ADD1: variants seen among roughly 807,000 people sequenced by gnomAD.
ADD1 encodes alpha-adducin.
Under a neutral mutation model 80.5 loss-of-function variants are expected in ADD1, and 24 were observed. The observed-to-expected ratio is 0.30, with a 90% CI of 0.22 to 0.42. The LOEUF (loss-of-function observed/expected upper bound fraction) is 0.42, where lower values mean the gene tolerates loss of function less well. ADD1 is among the 10% of genes least tolerant of loss of function. The pLI, the probability that ADD1 is intolerant of heterozygous loss-of-function variation, is 1.00. For missense variants in ADD1, 948 were observed against 1,019.0 expected (o/e 0.93, Z 0.95); for synonymous variants, 373 against 393.8 (o/e 0.95, Z 0.63).
At chr4:2,894,470 C>G in intron 5 of ADD1, 112 bp from the exon 6 acceptor site, 1 of 942,778 alleles carries the variant, frequency 1.1e-6, no homozygotes, top group Non-Finnish European at 1.5e-6. Flanking sequence ...GAGGTCGCAC[C>G]ACTGCACTCC....
At chr4:2,915,677 G>A (rs1385643803) in intron 14 of ADD1, among the ~76,000 whole-genome samples, 2 of 152,084 alleles carry the variant, frequency 1.3e-5, no homozygotes, top group Admixed American at 6.5e-5. Context: ...TACAAAATTA[G>A]CCAGGTGTAG....
At chr4:2,852,799 C>G (rs771574716) in intron 1 of ADD1, among the ~76,000 whole-genome samples, 4 of 151,078 alleles carry the variant, frequency 2.6e-5, no homozygotes, top group Admixed American at 6.6e-5. Context: ...CTCGTGGGCC[C>G]GAGCAGTCCT....
rs1034019990 is a variant in ADD1 at position 2,926,374 on chromosome 4, C to G, written c.2047+262C>G. On this transcript the variant is annotated intron_variant, in intron 15 of 15. Transcript: ENST00000683351. This position sits in a 1 kb window ranked among gnomAD's most constrained non-coding sequence, Gnocchi z 5.0. ...CCATGGTTGCTGGTGTCCACGTTGC[C>G]CATTGCTCGCACACTCCTCGTGCCG... is the stretch of plus-strand genomic sequence containing the variant. 2 of 701,178 alleles carry G rather than the reference C, an allele frequency of 2.9e-6. No individual in the cohort carries two copies. Among genetic ancestry groups the G allele is most frequent in the Admixed American group, 2.0e-5 (1 of 49,772 alleles). The allele number at this position is 701,178 out of a possible 1,614,324, so 43.4% of individuals were successfully genotyped here.
At chr4:2,898,637 A>G (rs148827630) in intron 8 of ADD1, 106 bp downstream of exon 8, 42 of 957,496 alleles carry the variant, frequency 4.4e-5, no homozygotes, top group South Asian at 4.2e-4. Context: ...TCTTTGAGCA[A>G]TCTCTTTGCC....
At chr4:2,927,959 CT>C (rs1344222164) in intron 15 of ADD1, among the ~76,000 whole-genome samples, 2 of 152,142 alleles carry the variant, frequency 1.3e-5, no homozygotes, top group Non-Finnish European at 2.9e-5. Flanking sequence ...CCAGAAGGAG[CT>C]AAAAACTACC....
intron 9 of ADD1, chr4:2,899,825 C>T (rs1735878553): frequency 5.9e-6 from 2 of 337,964 alleles, no homozygotes; most frequent in Non-Finnish European, 5.7e-6. Context: ...TCCTGGCTGT[C>T]TGGGGCCTGA....
chr4:2,849,955 C>A (rs1011943944), intron 1 of ADD1, among the ~76,000 whole-genome samples: 1 of 152,194 alleles, frequency 6.6e-6, no homozygotes, highest in African/African-American at 2.4e-5. Flanking sequence ...GTTGTGAAAA[C>A]ACTTTGAGAA....
intron 1 of ADD1, 132 bp downstream of exon 1, chr4:2,844,156 G>C (rs1373124916): frequency 6.8e-6 from 1 of 147,380 alleles, no homozygotes; most frequent in Non-Finnish European, 1.5e-5. Flanking sequence ...CCTCGGGGGC[G>C]GGGAGGCCGC....
intron 1 of ADD1, among the ~76,000 whole-genome samples, chr4:2,852,138 T>TTTC (rs1342452606): frequency 3.1e-5 from 3 of 97,580 alleles, no homozygotes; most frequent in African/African-American, 1.3e-4. Flanking sequence ...ACCCGGCCTC[T>TTTC]TTTCTTTCTT....
intron 14 of ADD1, among the ~76,000 whole-genome samples, chr4:2,915,521 G>A (rs1271795897): frequency 3.9e-5 from 6 of 152,216 alleles, no homozygotes; most frequent in African/African-American, 1.4e-4. Flanking sequence ...GGCACCTGTA[G>A]TCCCAGCTAC....
intron 14 of ADD1, among the ~76,000 whole-genome samples, chr4:2,923,532 A>G (rs1432551264): frequency 6.6e-6 from 1 of 152,196 alleles, no homozygotes; most frequent in Non-Finnish European, 1.5e-5. Flanking sequence ...GAAATCATCC[A>G]CCTTCTGCGT....
At chr4:2,876,620 A>C (rs768839368) in intron 2 of ADD1, among the ~76,000 whole-genome samples, 3 of 152,036 alleles carry the variant, frequency 2.0e-5, no homozygotes. Context: ...GTGGATCACG[A>C]GGTCAGGAGA....
chr4:2,894,521 A>AAAAAG, intron 5 of ADD1, 61 bp from the exon 6 acceptor site: 1 of 1,505,316 alleles, frequency 6.6e-7, no homozygotes, highest in Non-Finnish European at 8.9e-7. Context: ...AAAAAAAAAA[A>AAAAAG]AAAAGAAAAG....
At chr4:2,852,262 C>CTCTCTTTCT (rs1560139023) in intron 1 of ADD1, among the ~76,000 whole-genome samples, 23 of 78,164 alleles carry the variant, frequency 2.9e-4, no homozygotes, top group Admixed American at 4.3e-4. Context: ...TCTTTCTTTC[C>CTCTCTTTCT]TTCCTTCCTT....
At chr4:2,885,737 G>A (rs1733172882) in intron 4 of ADD1, among the ~76,000 whole-genome samples, 1 of 151,850 alleles carries the variant, frequency 6.6e-6, no homozygotes, top group South Asian at 2.1e-4. Context: ...AGCCTCCCGA[G>A]TAGCTGGGAC....
chr4:2,902,799 G>A (rs1736399741), intron 9 of ADD1: 2 of 152,234 alleles, frequency 1.3e-5, no homozygotes, highest in Admixed American at 6.5e-5. Flanking sequence ...GGCTGAGGCA[G>A]GTGGGTCATG....
At chr4:2,890,548 A>C (rs1411075887) in intron 4 of ADD1, among the ~76,000 whole-genome samples, 1 of 152,066 alleles carries the variant, frequency 6.6e-6, no homozygotes, top group Admixed American at 6.6e-5. Context: ...CTGGGAGTAC[A>C]GTCGCCCGCC....
intron 1 of ADD1, among the ~76,000 whole-genome samples, chr4:2,871,550 C>T (rs57897039): frequency 4.6e-5 from 7 of 152,226 alleles, no homozygotes; most frequent in East Asian, 1.9e-4. Context: ...ATCTGAAGGC[C>T]GGCAGAGACC....
intron 1 of ADD1, among the ~76,000 whole-genome samples, chr4:2,847,103 AG>A (rs1237022397): frequency 6.6e-6 from 1 of 151,652 alleles, no homozygotes; most frequent in Non-Finnish European, 1.5e-5. Context: ...GGCGACACGG[AG>A]CGAGACTCCG....
Sources: allele counts gnomAD v4.1 joint callset (sites outside exome capture counted in the v4.1 genomes callset), GRCh38; gene constraint gnomAD v4.1.1; non-coding constraint Gnocchi (gnomAD v3.1); transcripts MANE v1.5; gene names NCBI Gene and HGNC (gene_info 2026-07-23, HGNC 2026-07-21).